GARNL3: variants seen among roughly 807,000 people sequenced by gnomAD.
GARNL3 encodes GTPase-activating Rap/Ran-GAP domain-like protein 3.
GARNL3 carries 63 observed loss-of-function variants against 125.0 expected under a neutral mutation model. That is an observed-to-expected ratio of 0.50 (90% confidence interval 0.41 to 0.62). The LOEUF is 0.62. Ranked by LOEUF, GARNL3 falls within the 20% of genes least tolerant of loss-of-function variation. GARNL3 has a pLI of 0.00. For synonymous variants in GARNL3, 439 were observed against 457.5 expected, an observed-to-expected ratio of 0.96 and a Z score of 0.52; for missense variants, 994 against 1,244.0, an observed-to-expected ratio of 0.80 and a Z score of 3.02.
At chr9:127,232,311 CT>C (rs1160943974) in intron 1 of GARNL3, among the ~76,000 whole-genome samples, 1 of 152,162 alleles carries the variant, frequency 6.6e-6, no homozygotes, top group Admixed American at 6.5e-5. Flanking sequence ...AACATCCCTT[CT>C]TTTTGTCTTT....
intron 21 of GARNL3, chr9:127,362,762 G>A (rs1179826824): frequency 2.6e-5 from 4 of 152,190 alleles, no homozygotes; most frequent in African/African-American, 9.7e-5. Context: ...CATTGGTGCT[G>A]GTTCCTTATC....
At chr9:127,368,329 T>G (rs1831402343) in intron 22 of GARNL3, among the ~76,000 whole-genome samples, 1 of 139,186 alleles carries the variant, frequency 7.2e-6, no homozygotes, top group African/African-American at 2.6e-5. Flanking sequence ...AAAATACATT[T>G]CTTTTTTTTT....
At chr9:127,335,426 A>T in intron 10 of GARNL3, 93 bp downstream of exon 10, 2 of 1,027,292 alleles carry the variant, frequency 1.9e-6, no homozygotes, top group South Asian at 1.3e-5. Flanking sequence ...GCCGGTTAAC[A>T]TATGAGCTGA....
At chr9:127,302,091 T>C (rs1359906089) in intron 2 of GARNL3, among the ~76,000 whole-genome samples, 2 of 151,718 alleles carry the variant, frequency 1.3e-5, no homozygotes, top group African/African-American at 4.8e-5. Context: ...TACAGGCGCC[T>C]GCCACCACAC....
chr9:127,339,741 G>A lies in GARNL3; in HGVS notation c.1125G>A (p.Leu375=), dbSNP rs1175356192. 1 of 1,609,240 alleles carries A rather than the reference G, an allele frequency of 6.2e-7. No individual in the cohort carries two copies. Residue 375 remains leucine, a synonymous_variant, in exon 13 of 28, where the codon TTG becomes TTA. Transcript: ENST00000373387. ...ACCACCAGGAATTCAGGGACTTTTTGCTAGTGAAATGTAAGTTTCTGTTTT... is the reference window on the plus strand; with the variant it reads ...ACCACCAGGAATTCAGGGACTTTTTACTAGTGAAATGTAAGTTTCTGTTTT... The part of the protein sequence containing the change: ...FTDHQEFRDF[L]LVKLINGEKA...
chr9:127,363,204 T>C (rs1221188181), intron 21 of GARNL3: 1 of 152,196 alleles, frequency 6.6e-6, no homozygotes, highest in Non-Finnish European at 1.5e-5. Context: ...ATAGGAGCCA[T>C]GGGGATTATT....
At chr9:127,328,462 C>G (rs935684644) in intron 7 of GARNL3, among the ~76,000 whole-genome samples, 1 of 152,096 alleles carries the variant, frequency 6.6e-6, no homozygotes, top group Non-Finnish European at 1.5e-5. Context: ...GTGAGGCTCC[C>G]GAAAGGTTAG....
chr9:127,287,674 G>T (rs1255236732), intron 1 of GARNL3, among the ~76,000 whole-genome samples: 4 of 152,214 alleles, frequency 2.6e-5, no homozygotes, highest in Non-Finnish European at 5.9e-5. Context: ...AGGATCTCCT[G>T]CCCACCTACT....
chr9:127,341,658 G>A (rs1019769049), intron 13 of GARNL3, among the ~76,000 whole-genome samples: 3 of 152,158 alleles, frequency 2.0e-5, no homozygotes, highest in Non-Finnish European at 1.5e-5. Flanking sequence ...GGAAGGGGCC[G>A]CTAAAGACCT....
At chr9:127,255,077 C>T (rs1030965527) in intron 2 of GARNL3, among the ~76,000 whole-genome samples, 8 of 152,116 alleles carry the variant, frequency 5.3e-5, no homozygotes, top group African/African-American at 1.7e-4. Flanking sequence ...GTACTCACTT[C>T]GGAAAGCAAA....
At chr9:127,337,502 G>A (rs1368316378) in intron 11 of GARNL3, among the ~76,000 whole-genome samples, 1 of 152,180 alleles carries the variant, frequency 6.6e-6, no homozygotes, top group African/African-American at 2.4e-5. Flanking sequence ...AGCAGGGGTT[G>A]GGAGATGGTG....
At chr9:127,322,334 A>G (rs2065429504) in intron 6 of GARNL3, among the ~76,000 whole-genome samples, 1 of 151,566 alleles carries the variant, frequency 6.6e-6, no homozygotes. Context: ...GCCTCTTGCT[A>G]CTGAGCCAGT....
intron 22 of GARNL3, among the ~76,000 whole-genome samples, chr9:127,374,118 A>G (rs929846257): frequency 6.6e-6 from 1 of 152,130 alleles, no homozygotes; most frequent in African/African-American, 2.4e-5. Flanking sequence ...CCTGACCAAC[A>G]TGGTAAAACC....
intron 26 of GARNL3, among the ~76,000 whole-genome samples, chr9:127,390,351 C>A (rs1244911808): frequency 6.6e-6 from 1 of 152,172 alleles, no homozygotes; most frequent in Non-Finnish European, 1.5e-5. Flanking sequence ...CAAAACGGAA[C>A]CTCTGAATTG....
intron 17 of GARNL3, chr9:127,353,504 G>C (rs1187371607): frequency 6.1e-6 from 1 of 164,114 alleles, no homozygotes; most frequent in African/African-American, 2.5e-5. Context: ...TTTTAACTTG[G>C]TGTTCAGGCC....
chr9:127,227,195 A>G (rs1246787361), intron 1 of GARNL3, among the ~76,000 whole-genome samples: 2 of 152,342 alleles, frequency 1.3e-5, no homozygotes, highest in Non-Finnish European at 2.9e-5. Context: ...CTTACACCTG[A>G]AAGACTAATG....
chr9:127,321,752 A>G (rs191646813), intron 6 of GARNL3, among the ~76,000 whole-genome samples: 326 of 152,342 alleles, frequency 2.1e-3, no homozygotes, highest in African/African-American at 7.6e-3. Context: ...TGGGTACGCC[A>G]GGGATGGGTG....
intron 5 of GARNL3, among the ~76,000 whole-genome samples, chr9:127,319,371 A>G (rs997366331): frequency 1.3e-5 from 2 of 151,944 alleles, no homozygotes; most frequent in Non-Finnish European, 1.5e-5. Context: ...AGTCTCAGCT[A>G]CTCGGGAGGC....
At chr9:127,225,312 A>T in intron 1 of GARNL3, 1 of 982,192 alleles carries the variant, frequency 1.0e-6, no homozygotes, top group Non-Finnish European at 1.2e-6. Flanking sequence ...GCCCGGGGCG[A>T]TGGAACCGGA....
Sources: gnomAD v4.1 joint callset for allele counts (sites outside exome capture counted in the v4.1 genomes callset) on GRCh38, gnomAD v4.1.1 for gene constraint, MANE v1.5 for transcripts, NCBI Gene and HGNC (gene_info 2026-07-23, HGNC 2026-07-21) for gene names.